Variants in DPYSL4 observed in about 807,000 individuals in gnomAD.
DPYSL4 encodes dihydropyrimidinase-related protein 4.
DPYSL4 carries 43 observed loss-of-function variants against 63.4 expected under a neutral mutation model. The ratio of observed to expected loss-of-function variants is 0.68; its 90% CI spans 0.53 to 0.88. DPYSL4 has a LOEUF of 0.88. Ranked by LOEUF, DPYSL4 falls within the 40% of genes least tolerant of loss-of-function variation. DPYSL4 has a pLI of 0.00. For synonymous variants in DPYSL4, 353 were observed against 331.7 expected, an observed-to-expected ratio of 1.06 and a Z score of -0.70; for missense variants, 733 against 819.5, an observed-to-expected ratio of 0.89 and a Z score of 1.29.
chr10:132,190,709 C>G, intron 1 of DPYSL4, 38 bp from the exon 2 acceptor site: 1 of 1,587,242 alleles, frequency 6.3e-7, no homozygotes. Context: ...CTGAGTAACT[C>G]AGTTTGGAGA....
intron 3 of DPYSL4, among the ~76,000 whole-genome samples, chr10:132,194,063 G>A (rs1390980654): frequency 6.6e-6 from 1 of 152,268 alleles, no homozygotes; most frequent in Non-Finnish European, 1.5e-5. Flanking sequence ...CGCGAAGACA[G>A]AGAAACACCA....
At chr10:132,199,602 C>T (rs572869528) in intron 8 of DPYSL4, among the ~76,000 whole-genome samples, 2 of 151,342 alleles carry the variant, frequency 1.3e-5, no homozygotes, top group South Asian at 2.1e-4. Flanking sequence ...GTCTGGTTTC[C>T]CCTCCTCCTG....
chr10:132,192,998 A>G (rs73399766), intron 3 of DPYSL4, among the ~76,000 whole-genome samples, 156 bp downstream of exon 3: 1,872 of 152,166 alleles, frequency 0.012, 43 homozygotes, highest in African/African-American at 0.042. Flanking sequence ...GTGCTTTTCT[A>G]ATCCCTGTGT....
At chr10:132,202,619 A>T in intron 11 of DPYSL4, 27 bp from the exon 12 acceptor site, 1 of 1,609,688 alleles carries the variant, frequency 6.2e-7, no homozygotes, top group Non-Finnish European at 8.5e-7. Flanking sequence ...GCGTGGAGGC[A>T]CTGGACCCTC....
At chr10:132,194,524 G>A (rs928807029) in intron 3 of DPYSL4, among the ~76,000 whole-genome samples, 2 of 152,224 alleles carry the variant, frequency 1.3e-5, no homozygotes, top group Admixed American at 6.5e-5. Flanking sequence ...TGGAGGCAGG[G>A]CAAAGCCCCG....
Position 132,187,101 on chromosome 10 carries a change from C to T in DPYSL4, c.38C>T (p.Thr13Met), listed in dbSNP as rs758552818. Residue 13 changes from threonine (T) to methionine (M), a missense_variant and splice_region_variant, in exon 1 of 14, where the codon ACG becomes ATG. Transcript: ENST00000338492. ...FQGKKSIPRITSDRLLIRGGR... is the reference protein window; with the variant it reads ...FQGKKSIPRIMSDRLLIRGGR... ...GGCAAGAAAAGCATCCCCCGGATCACGGTGAGCCCGGTCCCGCTTCGCCCG... is the reference window on the plus strand; with the variant it reads ...GGCAAGAAAAGCATCCCCCGGATCATGGTGAGCCCGGTCCCGCTTCGCCCG... 7.9e-6 allele frequency: 12 copies of T among 1,522,364 alleles called. No homozygotes were observed. The highest frequency in any genetic ancestry group is 1.7e-4 in the Middle Eastern group (1 of 5,762). 94.3% of individuals were successfully genotyped at this position (1,522,364 alleles called of 1,614,324 possible).
At chr10:132,202,908 T>C (rs2137524857) in intron 12 of DPYSL4, 83 bp downstream of exon 12, 2 of 1,481,706 alleles carry the variant, frequency 1.3e-6, no homozygotes, top group East Asian at 4.7e-5. Flanking sequence ...CTGGTCAACC[T>C]GGCCCGGCCT....
chr10:132,192,123 G>A (rs547160374), intron 2 of DPYSL4, among the ~76,000 whole-genome samples: 1 of 152,374 alleles, frequency 6.6e-6, no homozygotes, highest in Non-Finnish European at 1.5e-5. Flanking sequence ...ACTTTTGGGT[G>A]AAATCCATGG....
At chr10:132,196,599 C>T (rs1293172424) in intron 4 of DPYSL4, among the ~76,000 whole-genome samples, 3 of 152,246 alleles carry the variant, frequency 2.0e-5, no homozygotes, top group Non-Finnish European at 2.9e-5. Flanking sequence ...CTGCATTTGC[C>T]GCTGGGTGGA....
At chr10:132,193,397 C>G (rs1451973358) in intron 3 of DPYSL4, among the ~76,000 whole-genome samples, 1 of 152,276 alleles carries the variant, frequency 6.6e-6, no homozygotes. Context: ...TGACACCCAT[C>G]GGCTCACATG....
rs755310520 is a variant in DPYSL4, at chr10:132,198,876, C to A, written c.716C>A (p.Ala239Asp). 3 of 1,613,000 alleles carry A rather than the reference C, an allele frequency of 1.9e-6. 1 individual carries two copies. In the South Asian group the frequency reaches 3.3e-5, roughly 18 times the overall value. ...EEVEAEAVYR[A>D]VTIAKQANCP... ...GTGGAGGCTGAGGCGGTGTACCGAGCTGTCACCATCGCCAAGCAGGCAAAC... is the reference window on the plus strand; with the variant it reads ...GTGGAGGCTGAGGCGGTGTACCGAGATGTCACCATCGCCAAGCAGGCAAAC... The change falls in exon 8 of 14, where the codon GCT (alanine) becomes GAT (aspartate). Residue 239 changes from alanine to aspartate, a missense_variant. Coordinates refer to ENST00000338492, the MANE Select transcript of DPYSL4 (RefSeq NM_006426.3).
intron 1 of DPYSL4, 73 bp downstream of exon 1, chr10:132,187,175 C>T (rs2061806763): frequency 2.5e-6 from 3 of 1,192,432 alleles, no homozygotes; most frequent in East Asian, 2.8e-5. Context: ...CGGGCGGACC[C>T]TCCTGGTCTT....
chr10:132,191,102 C>T (rs1462004661), intron 2 of DPYSL4, among the ~76,000 whole-genome samples: 13 of 136,690 alleles, frequency 9.5e-5, no homozygotes, highest in African/African-American at 2.4e-4. Flanking sequence ...CGTGTGTACA[C>T]GCTGGCCACG....
intron 1 of DPYSL4, among the ~76,000 whole-genome samples, chr10:132,189,170 C>T (rs891667307): frequency 3.9e-5 from 6 of 152,260 alleles, no homozygotes; most frequent in Admixed American, 6.5e-5. Flanking sequence ...CCAGAGCAGG[C>T]GGCCGGACCT....
intron 10 of DPYSL4, among the ~76,000 whole-genome samples, chr10:132,201,213 C>A (rs1175339952): frequency 6.6e-6 from 1 of 152,174 alleles, no homozygotes; most frequent in Non-Finnish European, 1.5e-5. Context: ...CCCCACCCCT[C>A]AGCAGACTCT....
intron 11 of DPYSL4, 70 bp from the exon 12 acceptor site, chr10:132,202,576 G>A: frequency 6.3e-7 from 1 of 1,580,408 alleles, no homozygotes; most frequent in South Asian, 1.2e-5. Flanking sequence ...CAGTGCTCCA[G>A]CGGCTCAACG....
chr10:132,198,554 G>T, intron 7 of DPYSL4, 71 bp downstream of exon 7: 1 of 1,464,300 alleles, frequency 6.8e-7, no homozygotes, highest in South Asian at 1.2e-5. Context: ...GGGCTGTGCT[G>T]ACCCTGGCCC....
chr10:132,203,582 G>A, intron 12 of DPYSL4, 180 bp from the exon 13 acceptor site: 1 of 599,816 alleles, frequency 1.7e-6, no homozygotes, highest in Non-Finnish European at 2.9e-6. Context: ...AGGCGTGTGT[G>A]AACTTGGGTT....
Position 132,202,082 on chromosome 10 carries a change from C to G in DPYSL4, c.1247C>G (p.Ala416Gly). 1 of 1,613,056 alleles carries G rather than the reference C, an allele frequency of 6.2e-7. No homozygotes were observed. Among genetic ancestry groups the G allele is most frequent in the Non-Finnish European group, 8.5e-7 (1 of 1,179,900 alleles). ...GACCTGGTCATATGGAACCCCAAGGCCACCAAGATCATCTCTGCCAAGACC... is the reference window on the plus strand; with the variant it reads ...GACCTGGTCATATGGAACCCCAAGGGCACCAAGATCATCTCTGCCAAGACC... ...DADLVIWNPK[A>G]TKIISAKTHN... Residue 416 changes from alanine (A) to glycine (G), a missense_variant, in exon 11 of 14, where the codon GCC (alanine) becomes GGC (glycine). Ala to Gly is a moderately conservative substitution (Grantham distance 60). Transcript: ENST00000338492.
Sources: gnomAD v4.1 joint callset for allele counts (sites outside exome capture counted in the v4.1 genomes callset) on GRCh38, gnomAD v4.1.1 for gene constraint, MANE v1.5 for transcripts, NCBI Gene and HGNC (gene_info 2026-07-23, HGNC 2026-07-21) for gene names.